Variants in OR5AN1 observed in about 807,000 individuals in gnomAD.
OR5AN1 encodes olfactory receptor 5AN1.
For missense variants in OR5AN1, 476 were observed against 368.9 expected, an observed-to-expected ratio of 1.29 and a Z score of -2.38; for synonymous variants, 167 against 131.8, an observed-to-expected ratio of 1.27 and a Z score of -1.83.
At chr11:59,364,161 G>A (rs1476618563) in intron 1 of OR5AN1, among the ~76,000 whole-genome samples, 1 of 152,100 alleles carries the variant, frequency 6.6e-6, no homozygotes, top group Non-Finnish European at 1.5e-5. Flanking sequence ...TACCTTATAC[G>A]TAATACTCTC....
rs777581035 is a variant in OR5AN1, at chr11:59,365,144, T to C, written c.686T>C (p.Ile229Thr). The C allele has an allele frequency of 6.2e-7, 1 of 1,614,096 alleles. No homozygotes were observed. Among genetic ancestry groups the C allele is most frequent in the Non-Finnish European group, 8.5e-7 (1 of 1,179,980 alleles). The part of the protein sequence containing the change: ...YGYIGISIMK[I>T]TSAKGRSKAF... ...TATATTGGCATCTCCATCATGAAGATCACTTCAGCTAAAGGCAGGTCCAAG... is the reference window on the plus strand; with the variant it reads ...TATATTGGCATCTCCATCATGAAGACCACTTCAGCTAAAGGCAGGTCCAAG... Residue 229 changes from isoleucine to threonine, a missense_variant, in exon 2 of 2, where the codon ATC becomes ACC. Coordinates refer to ENST00000641998, the MANE Select transcript of OR5AN1 (RefSeq NM_001004729.2).
intron 1 of OR5AN1, among the ~76,000 whole-genome samples, chr11:59,363,845 C>A (rs1451551965): frequency 6.6e-6 from 1 of 152,150 alleles, no homozygotes; most frequent in Admixed American, 6.5e-5. Flanking sequence ...TCACTGCAAC[C>A]TCTGCCTCCT....
Position 59,364,748 on chromosome 11 carries a change from G to T in OR5AN1, c.290G>T (p.Gly97Val), listed in dbSNP as rs1417249304. 6.2e-7 allele frequency: 1 copy of T among 1,614,054 alleles called. No homozygotes were observed. The highest frequency in any genetic ancestry group is 1.7e-5 in the Admixed American group (1 of 60,020). ...LQEQQTITFV[G>V]CIIQYFIFST... ...GAACAGCAAACTATCACTTTTGTTG[G>T]TTGTATTATTCAGTACTTTATCTTT... Residue 97 changes from glycine (G) to valine (V), a missense_variant, in exon 2 of 2, where the codon GGT (glycine) becomes GTT (valine). Transcript: ENST00000641998.
intron 1 of OR5AN1, among the ~76,000 whole-genome samples, chr11:59,360,896 G>A (rs2134481490): frequency 6.6e-6 from 1 of 152,344 alleles, no homozygotes; most frequent in South Asian, 2.1e-4. Flanking sequence ...CCAAGCCTGA[G>A]TGAAAGAACC....
rs956300346 is a variant in OR5AN1 at position 59,365,553 on chromosome 11, C to T, written c.*159C>T. The T allele has an allele frequency of 1.8e-6, 1 of 562,206 alleles. No individual in the cohort carries two copies. Among genetic ancestry groups the T allele is most frequent in the East Asian group, 2.9e-5 (1 of 34,800 alleles). 34.8% of individuals were successfully genotyped at this position (562,206 alleles called of 1,614,324 possible). A position where few individuals can be genotyped will look rare whatever the true frequency, so the allele number is the denominator to read the frequency against. Reference sequence around the variant, plus strand: ...CACAAAATATGCCAATATGGACCAACAGATGACTCAATGCCACAGACATCA... The same window carrying T: ...CACAAAATATGCCAATATGGACCAATAGATGACTCAATGCCACAGACATCA... On this transcript the variant is annotated 3_prime_UTR_variant, in exon 2 of 2. Transcript: ENST00000641998.
rs772884211 is a variant in OR5AN1, at chr11:59,364,516, G to C, written c.58G>C (p.Asp20His). 8 of 1,613,720 alleles carry C rather than the reference G, an allele frequency of 5.0e-6. No homozygotes were observed. The highest frequency in any genetic ancestry group is 4.0e-5 in the African/African-American group (3 of 74,910). The change falls in exon 2 of 2, where the codon GAT becomes CAT. Residue 20 changes from aspartate (D) to histidine (H), a missense_variant. By Grantham distance (81) the Asp-to-His change is moderately conservative. Transcript: ENST00000641998. The part of the protein sequence containing the change: ...ITYFILLGFS[D>H]FPRIIKVLFT... ...CTATTTCATCCTGCTGGGATTCTCA[G>C]ATTTTCCCAGGATCATAAAAGTGCT...
chr11:59,360,330 T>C (rs1857449926), intron 1 of OR5AN1, among the ~76,000 whole-genome samples: 1 of 152,252 alleles, frequency 6.6e-6, no homozygotes, highest in Non-Finnish European at 1.5e-5. Flanking sequence ...GAGCTTATAT[T>C]TTAAAAATAT....
In OR5AN1 at chr11:59,371,489, A is replaced by C. The variant is rs1256515151; in HGVS notation, c.*6095A>C. 2 of 152,232 alleles carry C rather than the reference A, an allele frequency of 1.3e-5. No homozygotes were observed. The highest frequency in any genetic ancestry group is 3.8e-4 in the East Asian group (2 of 5,204). 9.4% of individuals were successfully genotyped at this position (152,232 alleles called of 1,614,324 possible). A position where few individuals can be genotyped will look rare whatever the true frequency, so the allele number is the denominator to read the frequency against. On this transcript the variant is annotated 3_prime_UTR_variant, in exon 2 of 2. Transcript: ENST00000641998. ...GTGCAGAAGGAGTTACGGTACAGCT[A>C]AGGCTAACCTGCATCTATGCTCCAG...
rs1041977363 is a variant in OR5AN1 at position 59,366,445 on chromosome 11, T to C, written c.*1051T>C. The C allele has an allele frequency of 2.6e-5, 4 of 152,224 alleles. No individual in the cohort carries two copies. The highest frequency in any genetic ancestry group is 9.6e-5 in the African/African-American group (4 of 41,454). The allele number at this position is 152,224 out of a possible 1,614,324, so 9.4% of individuals were successfully genotyped here. A position where few individuals can be genotyped will look rare whatever the true frequency, so the allele number is the denominator to read the frequency against. On this transcript the variant is annotated 3_prime_UTR_variant, in exon 2 of 2. Transcript: ENST00000641998. ...CTGATCTCCAGATGATCTGAGGATA[T>C]GTGAGTGATAATAAATGAATGTTGC...
chr11:59,365,772 G>C lies in OR5AN1; in HGVS notation c.*378G>C, dbSNP rs140966592. 29 of 176,242 alleles carry C rather than the reference G, an allele frequency of 1.6e-4. No homozygotes were observed. The highest frequency in any genetic ancestry group is 6.2e-4 in the African/African-American group (26 of 42,074). The allele number at this position is 176,242 out of a possible 1,614,324, so 10.9% of individuals were successfully genotyped here. On this transcript the variant is annotated 3_prime_UTR_variant, in exon 2 of 2. Transcript: ENST00000641998. ...CACTACAGAAATGAGGCCTGGCACAGACCCCCAGGAGTTCAGAAACATCAT... is the reference window on the plus strand; with the variant it reads ...CACTACAGAAATGAGGCCTGGCACACACCCCCAGGAGTTCAGAAACATCAT...
In OR5AN1 at chr11:59,367,189, C is replaced by G. The variant is rs1486171141; in HGVS notation, c.*1795C>G. ...GTGGAGGAGTGGGCAAGATGGCTGACCAGAAGCAGCTAGTGTGTGTGGCTG... is the reference window on the plus strand; with the variant it reads ...GTGGAGGAGTGGGCAAGATGGCTGAGCAGAAGCAGCTAGTGTGTGTGGCTG... On this transcript the variant is annotated 3_prime_UTR_variant, in exon 2 of 2. Transcript: ENST00000641998. The G allele has an allele frequency of 1.3e-5, 2 of 152,070 alleles. No homozygotes were observed. Among genetic ancestry groups the G allele is most frequent in the African/African-American group, 2.4e-5 (1 of 41,396 alleles). 9.4% of individuals were successfully genotyped at this position (152,070 alleles called of 1,614,324 possible).
chr11:59,362,009 T>A (rs1223249830), intron 1 of OR5AN1, among the ~76,000 whole-genome samples: 1 of 151,394 alleles, frequency 6.6e-6, no homozygotes, highest in Non-Finnish European at 1.5e-5. Context: ...TGTGTGTGTG[T>A]GACAGAGAGA....
At position 59,371,615 on chromosome 11, in the gene OR5AN1, G is replaced by A. The variant is rs1020849813; in HGVS notation, c.*6221G>A. On this transcript the variant is annotated 3_prime_UTR_variant, in exon 2 of 2. Coordinates refer to ENST00000641998, the MANE Select transcript of OR5AN1 (RefSeq NM_001004729.2). ...GGATGTAAAATGAATTATAATACAAGGCAAGGCCACATGTAGTCTAGCTAA... is the reference window on the plus strand; with the variant it reads ...GGATGTAAAATGAATTATAATACAAAGCAAGGCCACATGTAGTCTAGCTAA... 1.3e-5 allele frequency: 2 copies of A among 152,184 alleles called. No individual in the cohort carries two copies. The highest frequency in any genetic ancestry group is 4.8e-5 in the African/African-American group (2 of 41,438). 9.4% of individuals were successfully genotyped at this position (152,184 alleles called of 1,614,324 possible).
rs926191534 is a variant in OR5AN1 at position 59,367,614 on chromosome 11, G to A, written c.*2220G>A. 2 of 152,240 alleles carry A rather than the reference G, an allele frequency of 1.3e-5. No individual in the cohort carries two copies. The highest frequency in any genetic ancestry group is 4.8e-5 in the African/African-American group (2 of 41,436). 9.4% of individuals were successfully genotyped at this position (152,240 alleles called of 1,614,324 possible). On this transcript the variant is annotated 3_prime_UTR_variant, in exon 2 of 2. Coordinates refer to ENST00000641998, the MANE Select transcript of OR5AN1 (RefSeq NM_001004729.2). ...AGAAGGAGCTCAAAGGGAAGAGCTG[G>A]GCTGTCATCTTTGCTGTTCAGATGC...
intron 1 of OR5AN1, among the ~76,000 whole-genome samples, chr11:59,363,583 A>G (rs2134483267): frequency 6.6e-6 from 1 of 152,322 alleles, no homozygotes; most frequent in African/African-American, 2.4e-5. Context: ...TGTTAAGGCC[A>G]GTTTGGATAT....
At chr11:59,360,413 CT>C (rs1857450771) in intron 1 of OR5AN1, among the ~76,000 whole-genome samples, 1 of 152,046 alleles carries the variant, frequency 6.6e-6, no homozygotes, top group East Asian at 1.9e-4. Context: ...ATTTTTGAAT[CT>C]TTTTTTCATT....
Position 59,365,422 on chromosome 11 carries a change from A to G in OR5AN1, c.*28A>G, listed in dbSNP as rs201008057. The G allele has an allele frequency of 1.5e-6, 2 of 1,371,650 alleles. No homozygotes were observed. The highest frequency in any genetic ancestry group is 4.6e-5 in the East Asian group (2 of 43,446). The allele number at this position is 1,371,650 out of a possible 1,614,324, so 85.0% of individuals were successfully genotyped here. A position where few individuals can be genotyped will look rare whatever the true frequency, so the allele number is the denominator to read the frequency against. ...TTACAGATTCTGAGATTTCTGCCAG[A>G]TATGGCCCATCAGAATCTCCCTAAC... On this transcript the variant is annotated 3_prime_UTR_variant, in exon 2 of 2. Coordinates refer to ENST00000641998, the MANE Select transcript of OR5AN1 (RefSeq NM_001004729.2).
At position 59,369,580 on chromosome 11, in the gene OR5AN1, AG is replaced by A. The variant is rs1486132789; in HGVS notation, c.*4187del. On this transcript the variant is annotated 3_prime_UTR_variant, in exon 2 of 2. Coordinates refer to ENST00000641998, the MANE Select transcript of OR5AN1 (RefSeq NM_001004729.2). ...GTCAGACACAAATAAAGAAAAAAAA[AG>A]AAATAAACAAAGCCTCCAAGAAGTA... 1.3e-5 allele frequency: 2 copies of A among 152,198 alleles called. No homozygotes were observed. Among genetic ancestry groups the A allele is most frequent in the Non-Finnish European group, 2.9e-5 (2 of 68,024 alleles). The allele number at this position is 152,198 out of a possible 1,614,324, so 9.4% of individuals were successfully genotyped here.
Position 59,368,947 on chromosome 11 carries a change from C to A in OR5AN1, c.*3553C>A, listed in dbSNP as rs537323816. On this transcript the variant is annotated 3_prime_UTR_variant, in exon 2 of 2. Transcript: ENST00000641998. Reference sequence around the variant, plus strand: ...AACAGAACAAGAGTCTTCCAGCTGTCCTGTAAGCCTAGGTATCACCTACTG... The same window carrying A: ...AACAGAACAAGAGTCTTCCAGCTGTACTGTAAGCCTAGGTATCACCTACTG... 1.3e-5 allele frequency: 2 copies of A among 152,328 alleles called. No individual in the cohort carries two copies. The highest frequency in any genetic ancestry group is 6.5e-5 in the Admixed American group (1 of 15,292). 9.4% of individuals were successfully genotyped at this position (152,328 alleles called of 1,614,324 possible). A position where few individuals can be genotyped will look rare whatever the true frequency, so the allele number is the denominator to read the frequency against.
Sources: gnomAD v4.1 joint callset for allele counts (sites outside exome capture counted in the v4.1 genomes callset) on GRCh38, gnomAD v4.1.1 for gene constraint, MANE v1.5 for transcripts, NCBI Gene and HGNC (gene_info 2026-07-23, HGNC 2026-07-21) for gene names.